MACF1: variants seen among roughly 807,000 people sequenced by gnomAD.
The protein encoded by MACF1 is microtubule actin crosslinking factor 1, also known as microtubule-actin cross-linking factor 1.
MACF1 carries 193 observed loss-of-function variants against 854.8 expected under a neutral mutation model. The observed-to-expected ratio is 0.23, with a 90% CI of 0.20 to 0.25. MACF1 has a LOEUF of 0.25. Ranked by LOEUF, MACF1 falls within the 10% of genes least tolerant of loss-of-function variation. The pLI is 1.00. For synonymous variants in MACF1, 3,185 were observed against 3,226.7 expected (o/e 0.99, Z 0.44); for missense variants, 7,722 against 8,929.1 (o/e 0.86, Z 5.45).
At chr1:39,428,341 G>T in intron 63 of MACF1, 54 bp downstream of exon 63, 2 of 1,447,966 alleles carry the variant, frequency 1.4e-6, no homozygotes, top group Non-Finnish European at 9.2e-7. Flanking sequence ...TTGTTATTTT[G>T]ATTCATGTTT....
At chr1:39,163,340 C>CAAAAAAAAAAAAAAAAAAAA (rs11371076) in intron 2 of MACF1, among the ~76,000 whole-genome samples, 14 of 80,292 alleles carry the variant, frequency 1.7e-4, no homozygotes, top group Non-Finnish European at 2.2e-4. Context: ...AAGACTGTCT[C>CAAAAAAAAAAAAAAAAAAAA]AAAAAAAAAA....
chr1:39,367,008 C>T (rs1267036841), intron 49 of MACF1, among the ~76,000 whole-genome samples: 1 of 142,036 alleles, frequency 7.0e-6, no homozygotes, highest in Non-Finnish European at 1.5e-5. Flanking sequence ...AGTGCAGTGG[C>T]ACAATCTTGG....
intron 6 of MACF1, among the ~76,000 whole-genome samples, chr1:39,265,683 A>T (rs1222763980): frequency 6.6e-6 from 1 of 152,186 alleles, no homozygotes; most frequent in African/African-American, 2.4e-5. Context: ...TGAGTACTTG[A>T]AGTACAGTTT....
intron 58 of MACF1, among the ~76,000 whole-genome samples, chr1:39,404,763 G>A (rs1332824535): frequency 6.6e-6 from 1 of 152,142 alleles, no homozygotes; most frequent in Non-Finnish European, 1.5e-5. Context: ...GGAATTACAG[G>A]TGTGAGCCAT....
chr1:39,297,390 C>A (rs537626599), intron 20 of MACF1, among the ~76,000 whole-genome samples: 58 of 152,098 alleles, frequency 3.8e-4, no homozygotes, highest in Non-Finnish European at 6.9e-4. Flanking sequence ...GTGAAACAGG[C>A]TAACTTTTCG....
At chr1:39,272,205 T>A (rs1027399208) in intron 6 of MACF1, among the ~76,000 whole-genome samples, 3 of 152,148 alleles carry the variant, frequency 2.0e-5, no homozygotes, top group Admixed American at 6.5e-5. Context: ...CTTATCAAGA[T>A]AAGTGTGACA....
chr1:39,191,584 C>T (rs1462225840), intron 2 of MACF1, among the ~76,000 whole-genome samples: 2 of 152,234 alleles, frequency 1.3e-5, no homozygotes, highest in Admixed American at 6.5e-5. Flanking sequence ...AAGAGGCTGC[C>T]TCCTTCTTCT....
chr1:39,347,802 T>C (rs1647089187), intron 41 of MACF1, among the ~76,000 whole-genome samples: 1 of 152,166 alleles, frequency 6.6e-6, no homozygotes, highest in Non-Finnish European at 1.5e-5. Context: ...TATTCGCTTA[T>C]TCAATCATGG....
intron 96 of MACF1, 132 bp from the exon 97 acceptor site, chr1:39,469,415 T>A: frequency 1.4e-6 from 1 of 694,262 alleles, no homozygotes; most frequent in South Asian, 1.7e-5. Flanking sequence ...TGTCCTTGCC[T>A]TTTTCCTGTT....
At chr1:39,378,807 G>C (rs1394019342) in intron 53 of MACF1, among the ~76,000 whole-genome samples, 1 of 152,182 alleles carries the variant, frequency 6.6e-6, no homozygotes, top group African/African-American at 2.4e-5. Flanking sequence ...GAATTATAAA[G>C]AAGTTATACT....
chr1:39,463,282 T>A (rs1644592521), intron 93 of MACF1, among the ~76,000 whole-genome samples: 3 of 151,442 alleles, frequency 2.0e-5, no homozygotes, highest in Admixed American at 6.6e-5. Flanking sequence ...AGGTCGGGAG[T>A]TCAAGGCCAG....
chr1:39,452,061 T>C, intron 85 of MACF1, 95 bp from the exon 86 acceptor site: 2 of 1,127,334 alleles, frequency 1.8e-6, no homozygotes, highest in Non-Finnish European at 2.5e-6. Context: ...AAAAGACACA[T>C]GATTAGAACC....
intron 2 of MACF1, among the ~76,000 whole-genome samples, chr1:39,164,108 C>A (rs1294559208): frequency 1.3e-5 from 2 of 152,116 alleles, no homozygotes; most frequent in Non-Finnish European, 2.9e-5. Flanking sequence ...GGAATTCCAT[C>A]AAATGGAAGG....
At chr1:39,444,283 C>T (rs1449427736) in intron 79 of MACF1, among the ~76,000 whole-genome samples, 1 of 151,608 alleles carries the variant, frequency 6.6e-6, no homozygotes, top group African/African-American at 2.4e-5. Flanking sequence ...TGCAGTAAGC[C>T]GAGATCACTG....
intron 99 of MACF1, among the ~76,000 whole-genome samples, chr1:39,481,620 C>G (rs894082732): frequency 1.3e-5 from 2 of 152,312 alleles, no homozygotes; most frequent in Admixed American, 1.3e-4. Context: ...GTTTCTGTAG[C>G]CTTGATTTGA....
At position 39,285,363 on chromosome 1, in the gene MACF1, G is replaced by T; in HGVS notation, c.1326G>T (p.Leu442=). 1.2e-6 allele frequency: 2 copies of T among 1,614,098 alleles called. No homozygotes were observed. The highest frequency in any genetic ancestry group is 1.7e-6 in the Non-Finnish European group (2 of 1,180,016). Residue 442 remains leucine (L), a synonymous_variant, in exon 13 of 101, where the codon CTG becomes CTT. Coordinates refer to ENST00000564288, the MANE Select transcript of MACF1 (RefSeq NM_001394062.1). ...QNGALNCEEK[L]TLAKNTLQAD... ...GTGCTTTGAACTGTGAAGAAAAACT[G>T]ACACTAGCTAAGAATACACTGCAGG...
At chr1:39,174,850 C>G (rs927358176) in intron 2 of MACF1, among the ~76,000 whole-genome samples, 7 of 152,120 alleles carry the variant, frequency 4.6e-5, no homozygotes, top group Non-Finnish European at 1.0e-4. Context: ...TGGGTCTCGT[C>G]CCAGTGACTC....
At chr1:39,379,723 G>A (rs1650014899) in intron 54 of MACF1, among the ~76,000 whole-genome samples, 1 of 152,160 alleles carries the variant, frequency 6.6e-6, no homozygotes, top group Non-Finnish European at 1.5e-5. Flanking sequence ...ATTGAGAATG[G>A]GATCTCATTT....
intron 58 of MACF1, chr1:39,413,228 A>T (rs759395254): frequency 1.9e-6 from 3 of 1,612,560 alleles, no homozygotes; most frequent in African/African-American, 1.3e-5. Context: ...GAGGAGCCTG[A>T]TACTGCAGCT....
Sources: gnomAD v4.1 joint callset for allele counts (sites outside exome capture counted in the v4.1 genomes callset) on GRCh38, gnomAD v4.1.1 for gene constraint, MANE v1.5 for transcripts, NCBI Gene and HGNC (gene_info 2026-07-23, HGNC 2026-07-21) for gene names.